Variants in UBE2B observed in about 807,000 individuals in gnomAD.
UBE2B encodes the protein ubiquitin conjugating enzyme E2 B.
UBE2B carries 11 observed loss-of-function variants against 24.6 expected under a neutral mutation model. The ratio of observed to expected loss-of-function variants is 0.45; its 90% CI spans 0.28 to 0.74. UBE2B has a LOEUF of 0.74. UBE2B is among the 30% of genes least tolerant of loss of function. The probability of loss-of-function intolerance (pLI) is 0.13; values close to 1 mark genes in which losing one functional copy is unlikely to be tolerated. For synonymous variants in UBE2B, 68 were observed against 62.4 expected, an observed-to-expected ratio of 1.09 and a Z score of -0.42; for missense variants, 78 against 185.6, an observed-to-expected ratio of 0.42 and a Z score of 3.37.
intron 5 of UBE2B, chr5:134,389,782 G>A (rs1758868764): frequency 5.2e-6 from 1 of 193,558 alleles, no homozygotes; most frequent in South Asian, 8.9e-5. Context: ...CCCTACCTCA[G>A]GTGATCTGCC....
intron 5 of UBE2B, chr5:134,389,166 T>C (rs1758859147): frequency 1.0e-5 from 2 of 194,606 alleles, no homozygotes; most frequent in South Asian, 1.4e-4. Context: ...TTAGCCAGGA[T>C]GGTCTCCATC....
chr5:134,373,429 T>C (rs1262483620), intron 1 of UBE2B, among the ~76,000 whole-genome samples: 2 of 152,172 alleles, frequency 1.3e-5, no homozygotes, highest in Non-Finnish European at 2.9e-5. Context: ...CTTTTGAGGT[T>C]TTAAACTTTT....
intron 3 of UBE2B, among the ~76,000 whole-genome samples, chr5:134,378,941 A>AC (rs1193746701): frequency 4.2e-4 from 64 of 151,354 alleles, no homozygotes; most frequent in Non-Finnish European, 7.7e-4. Context: ...AAAAAAAAAA[A>AC]AAAAACAGTG....
At chr5:134,378,821 C>T (rs1038781090) in intron 3 of UBE2B, among the ~76,000 whole-genome samples, 8 of 150,894 alleles carry the variant, frequency 5.3e-5, no homozygotes, top group African/African-American at 2.0e-4. Flanking sequence ...CCCAGCTACT[C>T]GGGAGACTGA....
chr5:134,388,391 C>A lies in UBE2B; in HGVS notation c.308C>A (p.Ser103Tyr), dbSNP rs755377325. ...CGATGGAGTCCAACATATGATGTAT[C>A]TTCTATCTTAACATCAATTCAGGTA... Reference protein sequence around the residue: ...QNRWSPTYDVSSILTSIQSLL... With the variant: ...QNRWSPTYDVYSILTSIQSLL... Residue 103 changes from serine to tyrosine, a missense_variant, in exon 5 of 6, where the codon TCT becomes TAT. Physicochemically the swap from Ser to Tyr is moderately radical, Grantham distance 144. Coordinates refer to ENST00000265339, the MANE Select transcript of UBE2B (RefSeq NM_003337.4). The A allele has an allele frequency of 6.2e-7, 1 of 1,613,810 alleles. No individual in the cohort carries two copies. Among genetic ancestry groups the A allele is most frequent in the Admixed American group, 1.7e-5 (1 of 60,008 alleles).
chr5:134,371,944 CATT>C (rs1381035457), intron 1 of UBE2B, among the ~76,000 whole-genome samples: 2 of 152,250 alleles, frequency 1.3e-5, no homozygotes, highest in Non-Finnish European at 2.9e-5. Context: ...GGCGATCAGA[CATT>C]ATCCGCCCGC....
At chr5:134,374,977 A>T (rs1483069048) in intron 2 of UBE2B, among the ~76,000 whole-genome samples, 2 of 152,162 alleles carry the variant, frequency 1.3e-5, no homozygotes, top group Non-Finnish European at 2.9e-5. Flanking sequence ...TTCAGCAGTT[A>T]TATAAAGTTT....
chr5:134,378,014 G>A (rs1396115131), intron 3 of UBE2B, among the ~76,000 whole-genome samples: 1 of 152,028 alleles, frequency 6.6e-6, no homozygotes, highest in African/African-American at 2.4e-5. Flanking sequence ...CAGCCTGGGG[G>A]AGCCCTTCTC....
At chr5:134,375,348 AT>A (rs1037107556) in intron 2 of UBE2B, among the ~76,000 whole-genome samples, 1 of 152,068 alleles carries the variant, frequency 6.6e-6, no homozygotes, top group African/African-American at 2.4e-5. Context: ...GACTTGATCT[AT>A]TTTTTCTTTC....
chr5:134,380,011 G>C (rs762450718), intron 3 of UBE2B, among the ~76,000 whole-genome samples: 8 of 151,992 alleles, frequency 5.3e-5, no homozygotes, highest in Admixed American at 1.3e-4. Flanking sequence ...CGCCTCCCAG[G>C]TTCAAGCAAT....
chr5:134,376,348 A>AATATAT lies in UBE2B; in HGVS notation c.126-309_126-304dup, dbSNP rs1190025064. Among the ~76,000 whole-genome samples, 29 of 4,772 alleles carry AATATAT rather than the reference A, an allele frequency of 6.1e-3. 7 individuals are homozygous for AATATAT. The highest frequency in any genetic ancestry group is 0.056 in the East Asian group (7 of 124). 3.1% of individuals were successfully genotyped at this position (4,772 alleles called of 152,430 possible). On this transcript the variant is annotated intron_variant, in intron 2 of 5. Coordinates refer to ENST00000265339, the MANE Select transcript of UBE2B (RefSeq NM_003337.4). ...AAAAAAAAAAAAAAAAAAAAAAAAAAATATATATATATATATACACATATG... is the reference window on the plus strand; with the variant it reads ...AAAAAAAAAAAAAAAAAAAAAAAAAAATATATATATATATATATATATACACATATG...
At chr5:134,374,271 A>T (rs1758559402) in intron 1 of UBE2B, 112 bp from the exon 2 acceptor site, 2 of 948,318 alleles carry the variant, frequency 2.1e-6, no homozygotes, top group African/African-American at 3.3e-5. Context: ...ATAACAAGGA[A>T]ATGGAGTTAG....
At chr5:134,379,171 C>T (rs1310435606) in intron 3 of UBE2B, among the ~76,000 whole-genome samples, 3 of 152,084 alleles carry the variant, frequency 2.0e-5, no homozygotes, top group Non-Finnish European at 4.4e-5. Context: ...AATAATAATA[C>T]AAAACCATGA....
intron 4 of UBE2B, chr5:134,388,090 C>T (rs1417507473): frequency 1.9e-6 from 1 of 527,506 alleles, no homozygotes; most frequent in African/African-American, 1.9e-5. Flanking sequence ...GCGTGAGCCA[C>T]CGTGCCCAGC....
At chr5:134,387,969 A>G (rs1758833512) in intron 4 of UBE2B, among the ~76,000 whole-genome samples, 1 of 151,906 alleles carries the variant, frequency 6.6e-6, no homozygotes. Flanking sequence ...TGCCCGGCTA[A>G]TTTTTATAAT....
chr5:134,383,308 T>C (rs1288312513), intron 4 of UBE2B, among the ~76,000 whole-genome samples: 1 of 152,154 alleles, frequency 6.6e-6, no homozygotes, highest in African/African-American at 2.4e-5. Flanking sequence ...CTTAAAAATC[T>C]TAAAAATTTT....
chr5:134,386,179 T>G (rs1315251206), intron 4 of UBE2B, among the ~76,000 whole-genome samples: 2 of 144,992 alleles, frequency 1.4e-5, no homozygotes, highest in African/African-American at 5.2e-5. Context: ...ATACAAAAAT[T>G]AGCTGGGTCG....
intron 4 of UBE2B, among the ~76,000 whole-genome samples, chr5:134,385,115 A>C (rs1758776054): frequency 6.6e-6 from 1 of 152,172 alleles, no homozygotes; most frequent in Admixed American, 6.5e-5. Flanking sequence ...TTGAGTTCTG[A>C]TTTACTTTTG....
At chr5:134,379,700 C>T (rs1225804523) in intron 3 of UBE2B, among the ~76,000 whole-genome samples, 37 of 147,086 alleles carry the variant, frequency 2.5e-4, no homozygotes, top group Admixed American at 2.2e-3. Flanking sequence ...TTTTCAAGTA[C>T]ATATTTGTGT....
Sources: allele counts gnomAD v4.1 joint callset (sites outside exome capture counted in the v4.1 genomes callset), GRCh38; gene constraint gnomAD v4.1.1; transcripts MANE v1.5; gene names NCBI Gene and HGNC (gene_info 2026-07-23, HGNC 2026-07-21).